Variants in ZFTA observed in about 807,000 individuals in gnomAD.
ZFTA encodes zinc finger translocation associated.
In ZFTA, 35 loss-of-function variants were observed where a neutral mutation model predicts 41.8. The ratio of observed to expected loss-of-function variants is 0.84; its 90% CI spans 0.64 to 1.11. The LOEUF is 1.11. ZFTA is among the 50% of genes most tolerant of loss of function. The pLI is 0.00. For missense variants in ZFTA, 964 were observed against 989.8 expected, an observed-to-expected ratio of 0.97 and a Z score of 0.35; for synonymous variants, 514 against 436.4, an observed-to-expected ratio of 1.18 and a Z score of -2.22.
In ZFTA at chr11:63,764,429, C is replaced by T. The variant is rs2014710469; in HGVS notation, c.1194G>A (p.Glu398=). 7.9e-7 allele frequency: 1 copy of T among 1,267,712 alleles called. No homozygotes were observed. 78.5% of individuals were successfully genotyped at this position (1,267,712 alleles called of 1,614,324 possible). A position where few individuals can be genotyped will look rare whatever the true frequency, so the allele number is the denominator to read the frequency against. Residue 398 remains glutamate (E), a synonymous_variant, in exon 4 of 5, where the codon GAG becomes GAA. Transcript: ENST00000433688. ...GGCCCGGGACCCCCGCCCTCTCGCC[C>T]TCGCCCTCCTCCAGCTCCTCCTCCT... ...AEEEEELEEG[E]GERAGVPGRS...
rs763764917 is a variant in ZFTA, at chr11:63,765,215, C to T, written c.677G>A (p.Arg226Gln). The part of the protein sequence containing the change: ...PAGGGCRRQR[R>Q]GGPVAPRARR... ...AGCCCGGGGTGCCACTGGGCCCCCT[C>T]GCCGCTGGCGCCGGCAGCCCCCACC... The change falls in exon 3 of 5, where the codon CGA becomes CAA. Residue 226 changes from arginine (R) to glutamine (Q), a missense_variant. Around this residue, in one of 5 missense-constraint regions of ZFTA, gnomAD observed 141 missense variants for 216.7 expected, o/e 0.65. Transcript: ENST00000433688. The surrounding 1 kb of genome is among the most constrained non-coding windows in gnomAD (Gnocchi z 4.0). 8.2e-6 allele frequency: 12 copies of T among 1,465,096 alleles called. No homozygotes were observed. In the South Asian group the frequency reaches 1.6e-4, roughly 20 times the overall value. The allele number at this position is 1,465,096 out of a possible 1,614,324, so 90.8% of individuals were successfully genotyped here.
At position 63,765,792 on chromosome 11, in the gene ZFTA, C is replaced by G. The variant is rs959867782; in HGVS notation, c.637+15G>C. On this transcript the variant is annotated intron_variant, in intron 2 of 4. Transcript: ENST00000433688. The surrounding 1 kb of genome is among the most constrained non-coding windows in gnomAD (Gnocchi z 4.0). The stretch of plus-strand genomic sequence containing the variant: ...ACCCAGGCCCCTGCCTGTACAGAAT[C>G]TGCATTTGCATTACCTGGGCCCTTG... The G allele has an allele frequency of 2.1e-6, 3 of 1,458,122 alleles. No individual in the cohort carries two copies. The highest frequency in any genetic ancestry group is 2.7e-6 in the Non-Finnish European group (3 of 1,106,574). The allele number at this position is 1,458,122 out of a possible 1,614,324, so 90.3% of individuals were successfully genotyped here.
Position 63,764,871 on chromosome 11 carries a change from G to A in ZFTA, c.1021C>T (p.Pro341Ser), listed in dbSNP as rs1462350481. Residue 341 changes from proline to serine, a missense_variant, in exon 3 of 5, where the codon CCA (proline) becomes TCA (serine). This residue lies in a region of ZFTA where 584 missense variants were observed against 523.1 expected (regional missense o/e 1.12). Coordinates refer to ENST00000433688, the MANE Select transcript of ZFTA (RefSeq NM_001144936.2). ...CAGCCTGGGATGGGCCTCGCACCTGGTGGGGACTGGGTGAGCTCAGACAGC... is the reference window on the plus strand; with the variant it reads ...CAGCCTGGGATGGGCCTCGCACCTGATGGGGACTGGGTGAGCTCAGACAGC... ...EALSELTQSP[P>S]GDDLAPQDLT... The A allele has an allele frequency of 6.7e-6, 10 of 1,492,458 alleles. No individual in the cohort carries two copies. The highest frequency in any genetic ancestry group is 8.0e-6 in the Non-Finnish European group (9 of 1,123,276). The allele number at this position is 1,492,458 out of a possible 1,614,324, so 92.5% of individuals were successfully genotyped here.
In ZFTA at chr11:63,763,763, A is replaced by C. The variant is rs965388599; in HGVS notation, c.1692T>G (p.Pro564=). The C allele has an allele frequency of 7.5e-6, 11 of 1,463,038 alleles. No individual in the cohort carries two copies. The East Asian group carries it at 7.8e-5, about 10-fold the overall frequency. 90.6% of individuals were successfully genotyped at this position (1,463,038 alleles called of 1,614,324 possible). ...EPGGLALPPP[P]PPPPPPPPRS... ...GGGGCGGGGGCGGAGGCGGGGGAGG[A>C]GGCGGCGGCGGCAAGGCGAGTCCCC... The change falls in exon 5 of 5, where the codon CCT becomes CCG. Residue 564 remains proline (P), a synonymous_variant. Coordinates refer to ENST00000433688, the MANE Select transcript of ZFTA (RefSeq NM_001144936.2).
chr11:63,767,734 G>A (rs550123039), intron 1 of ZFTA, among the ~76,000 whole-genome samples: 22 of 152,270 alleles, frequency 1.4e-4, no homozygotes, highest in African/African-American at 4.3e-4. Flanking sequence ...CCCTGCAGCC[G>A]GGAAATGAGT....
intron 1 of ZFTA, 67 bp downstream of exon 1, chr11:63,768,417 C>G (rs1395659771): frequency 6.0e-6 from 6 of 994,668 alleles, no homozygotes; most frequent in Non-Finnish European, 7.3e-6. Context: ...GGAGAGGGGC[C>G]CCGAGCCGCA....
rs536440387 is a variant in ZFTA, at chr11:63,763,862, A to G, written c.1593T>C (p.Val531=). Residue 531 remains valine (V), a synonymous_variant, in exon 5 of 5, where the codon GTT becomes GTC. Coordinates refer to ENST00000433688, the MANE Select transcript of ZFTA (RefSeq NM_001144936.2). ...PEEEEEEWGD[V]PLSPGAPLER... ...CCAAGGGAGCTCCAGGGGACAGCGG[A>G]ACGTCGCCTAAGGAGGGACAAAGGA... is the stretch of plus-strand genomic sequence containing the variant. 1.4e-4 allele frequency: 202 copies of G among 1,423,658 alleles called. 1 individual carries two copies. The African/African-American group carries it at 2.9e-3, about 20-fold the overall frequency. The allele number at this position is 1,423,658 out of a possible 1,614,324, so 88.2% of individuals were successfully genotyped here. A position where few individuals can be genotyped will look rare whatever the true frequency, so the allele number is the denominator to read the frequency against.
chr11:63,765,049 G>T lies in ZFTA; in HGVS notation c.843C>A (p.Asn281Lys). 6.5e-7 allele frequency: 1 copy of T among 1,548,874 alleles called. No homozygotes were observed. The highest frequency in any genetic ancestry group is 2.4e-5 in the East Asian group (1 of 40,884). Residue 281 changes from asparagine (N) to lysine (K), a missense_variant, in exon 3 of 5, where the codon AAC becomes AAA. Physicochemically the swap from Asn to Lys is moderately conservative, Grantham distance 94 (BLOSUM62 0). Transcript: ENST00000433688. The surrounding 1 kb of genome is among the most constrained non-coding windows in gnomAD (Gnocchi z 4.0). ...ECLMDYDPRGNRLVCMACGRA... is the reference protein window; with the variant it reads ...ECLMDYDPRGKRLVCMACGRA... ...GGCCACAGGCCATGCACACCAGCCG[G>T]TTCCCCCGCGGGTCATAGTCCATGA...
In ZFTA at chr11:63,761,573, C is replaced by G. The variant is rs2014638244; in HGVS notation, c.*1845G>C. 6.6e-6 allele frequency: 1 copy of G among 152,200 alleles called. No individual in the cohort carries two copies. Among genetic ancestry groups the G allele is most frequent in the Admixed American group, 6.5e-5 (1 of 15,278 alleles). 9.4% of individuals were successfully genotyped at this position (152,200 alleles called of 1,614,324 possible). Reference sequence around the variant, plus strand: ...AAGCAGTGTGGCATCGTGCAAAGAACACTGAGTCAGGAGCTAGGATTTTCA... The same window carrying G: ...AAGCAGTGTGGCATCGTGCAAAGAAGACTGAGTCAGGAGCTAGGATTTTCA... On this transcript the variant is annotated 3_prime_UTR_variant, in exon 5 of 5. Coordinates refer to ENST00000433688, the MANE Select transcript of ZFTA (RefSeq NM_001144936.2).
rs377624608 is a variant in ZFTA at position 63,765,446 on chromosome 11, C to T, written c.638-192G>A. On this transcript the variant is annotated intron_variant, in intron 2 of 4. Transcript: ENST00000433688. The surrounding 1 kb of genome is among the most constrained non-coding windows in gnomAD (Gnocchi z 4.0). Reference sequence around the variant, plus strand: ...TTTCAAGCACCACCCACACCTCCCCCAGACTGGAATCTAGCCCTGTCCCTG... The same window carrying T: ...TTTCAAGCACCACCCACACCTCCCCTAGACTGGAATCTAGCCCTGTCCCTG... Among the ~76,000 whole-genome samples the T allele has an allele frequency of 1.3e-5, 2 of 152,228 alleles. No individual in the cohort carries two copies. The highest frequency in any genetic ancestry group is 4.8e-5 in the African/African-American group (2 of 41,536).
intron 3 of ZFTA, 90 bp from the exon 4 acceptor site, chr11:63,764,688 C>T: frequency 1.5e-6 from 2 of 1,326,716 alleles, no homozygotes; most frequent in Non-Finnish European, 1.9e-6. Context: ...CTCCTCACCC[C>T]AGCCCCAAGC....
chr11:63,768,536 C>T lies in ZFTA; in HGVS notation c.87G>A (p.Arg29=). 12 of 1,170,286 alleles carry T rather than the reference C, an allele frequency of 1.0e-5. No individual in the cohort carries two copies. Among genetic ancestry groups the T allele is most frequent in the Non-Finnish European group, 1.3e-5 (12 of 940,756 alleles). 72.5% of individuals were successfully genotyped at this position (1,170,286 alleles called of 1,614,324 possible). Residue 29 remains arginine (R), a synonymous_variant, in exon 1 of 5, where the codon CGG becomes CGA. Coordinates refer to ENST00000433688, the MANE Select transcript of ZFTA (RefSeq NM_001144936.2). ...TGCCGCTCGATCCGGCGGGCGGCAG[C>T]CGTCGGCCCCGTGCCGAGGCCACTG... ...GPAVASARGR[R]LPPAGSSGSA... is the part of the protein sequence containing the mutation.
At position 63,765,517 on chromosome 11, in the gene ZFTA, A is replaced by C; in HGVS notation, c.638-263T>G. ...CTCTCCAGCACCCTCCCCTTCCCTC[A>C]CCCACCCCAGCCAGGCCTCCCTGCT... On this transcript the variant is annotated intron_variant, in intron 2 of 4. Coordinates refer to ENST00000433688, the MANE Select transcript of ZFTA (RefSeq NM_001144936.2). The surrounding 1 kb of genome is among the most constrained non-coding windows in gnomAD (Gnocchi z 4.0). Among the ~76,000 whole-genome samples the C allele has an allele frequency of 6.7e-6, 1 of 148,580 alleles. No individual in the cohort carries two copies. Among genetic ancestry groups the C allele is most frequent in the East Asian group, 2.0e-4 (1 of 5,028 alleles).
In ZFTA at chr11:63,760,688, AG is replaced by A. The variant is rs938148220; in HGVS notation, c.*2729del. On this transcript the variant is annotated 3_prime_UTR_variant, in exon 5 of 5. Coordinates refer to ENST00000433688, the MANE Select transcript of ZFTA (RefSeq NM_001144936.2). ...GTGAGGCCATAACTTCCATCAAAGC[AG>A]GAATCAATGGAATCACTACCGCAGC... 1 of 152,224 alleles carries A rather than the reference AG, an allele frequency of 6.6e-6. No individual in the cohort carries two copies. Among genetic ancestry groups the A allele is most frequent in the African/African-American group, 2.4e-5 (1 of 41,464 alleles). 9.4% of individuals were successfully genotyped at this position (152,224 alleles called of 1,614,324 possible). A position where few individuals can be genotyped will look rare whatever the true frequency, so the allele number is the denominator to read the frequency against.
chr11:63,760,024 CG>C lies in ZFTA; in HGVS notation c.*3393del, dbSNP rs1406325360. On this transcript the variant is annotated 3_prime_UTR_variant, in exon 5 of 5. Coordinates refer to ENST00000433688, the MANE Select transcript of ZFTA (RefSeq NM_001144936.2). The stretch of plus-strand genomic sequence containing the variant: ...TAAAAAGTGACTAATAGTTGGTACT[CG>C]TAAGGATTCCCAAGACTGCAGAATT... 1 of 152,150 alleles carries C rather than the reference CG, an allele frequency of 6.6e-6. No homozygotes were observed. The highest frequency in any genetic ancestry group is 1.5e-5 in the Non-Finnish European group (1 of 68,038). The allele number at this position is 152,150 out of a possible 1,614,324, so 9.4% of individuals were successfully genotyped here.
rs936613447 is a variant in ZFTA at position 63,765,687 on chromosome 11, C to T, written c.637+120G>A. On this transcript the variant is annotated intron_variant, in intron 2 of 4. Coordinates refer to ENST00000433688, the MANE Select transcript of ZFTA (RefSeq NM_001144936.2). The surrounding 1 kb of genome is among the most constrained non-coding windows in gnomAD (Gnocchi z 4.0). ...GTATAATAAGGGCAATAAACAGACC[C>T]CACCCAGAGGAGGAGCAGTGCCTTG... 1.6e-5 allele frequency: 21 copies of T among 1,351,314 alleles called. No homozygotes were observed. Among genetic ancestry groups the T allele is most frequent in the Non-Finnish European group, 1.9e-5 (20 of 1,031,748 alleles). 83.7% of individuals were successfully genotyped at this position (1,351,314 alleles called of 1,614,324 possible).
chr11:63,765,917 C>A lies in ZFTA; in HGVS notation c.527G>T (p.Cys176Phe). Residue 176 changes from cysteine to phenylalanine, a missense_variant, in exon 2 of 5, where the codon TGC becomes TTC. Coordinates refer to ENST00000433688, the MANE Select transcript of ZFTA (RefSeq NM_001144936.2). This position sits in a 1 kb window ranked among gnomAD's most constrained non-coding sequence, Gnocchi z 4.0. ...GACCCCCAGGCCCTCGGCCTCTCCGCAGGCCCCCAGCCCCAGGTGTGCATC... is the reference window on the plus strand; with the variant it reads ...GACCCCCAGGCCCTCGGCCTCTCCGAAGGCCCCCAGCCCCAGGTGTGCATC... ...SWDAHLGLGA[C>F]GEAEGLGVQG... 1 of 1,551,488 alleles carries A rather than the reference C, an allele frequency of 6.4e-7. No individual in the cohort carries two copies. Among genetic ancestry groups the A allele is most frequent in the Non-Finnish European group, 8.7e-7 (1 of 1,147,026 alleles).
Position 63,764,404 on chromosome 11 carries a change from G to T in ZFTA, c.1219C>A (p.Arg407=). 1.6e-6 allele frequency: 2 copies of T among 1,280,280 alleles called. No individual in the cohort carries two copies. Among genetic ancestry groups the T allele is most frequent in the Non-Finnish European group, 2.0e-6 (2 of 1,016,480 alleles). The allele number at this position is 1,280,280 out of a possible 1,614,324, so 79.3% of individuals were successfully genotyped here. A position where few individuals can be genotyped will look rare whatever the true frequency, so the allele number is the denominator to read the frequency against. ...CGGTGGGCGCGGCCCCGCGGCGACC[G>T]GCCCGGGACCCCCGCCCTCTCGCCC... is the stretch of plus-strand genomic sequence containing the variant. ...GEGERAGVPG[R]SPRGRAHRRH... Residue 407 remains arginine (R), a synonymous_variant, in exon 4 of 5, where the codon CGG becomes AGG. Transcript: ENST00000433688.
chr11:63,763,889 C>A lies in ZFTA; in HGVS notation c.1586-20G>T. 3 of 1,413,788 alleles carry A rather than the reference C, an allele frequency of 2.1e-6. No homozygotes were observed. The highest frequency in any genetic ancestry group is 2.8e-6 in the Non-Finnish European group (3 of 1,084,384). 87.6% of individuals were successfully genotyped at this position (1,413,788 alleles called of 1,614,324 possible). ...CGTCGCCTAAGGAGGGACAAAGGAC[C>A]GCATTGGCGACGGCGGGGGGCAGCG... On this transcript the variant is annotated intron_variant, in intron 4 of 4. Coordinates refer to ENST00000433688, the MANE Select transcript of ZFTA (RefSeq NM_001144936.2).
Sources: gnomAD v4.1 joint callset for allele counts (sites outside exome capture counted in the v4.1 genomes callset) on GRCh38, gnomAD v4.1.1 for gene constraint, gnomAD v4.1.1 regional missense constraint, Gnocchi (gnomAD v3.1) non-coding constraint, MANE v1.5 for transcripts, NCBI Gene and HGNC (gene_info 2026-07-23, HGNC 2026-07-21) for gene names.